The following LRBA variants were observed in gnomAD, a reference collection of about 807,000 sequenced individuals.
The protein encoded by LRBA is lipopolysaccharide-responsive and beige-like anchor protein.
A neutral mutation model predicts 330.0 loss-of-function variants in LRBA; 176 were observed. The ratio of observed to expected loss-of-function variants is 0.53; its 90% CI spans 0.47 to 0.60. The LOEUF (loss-of-function observed/expected upper bound fraction) is 0.60, where lower values mean the gene tolerates loss of function less well. LRBA is among the 20% of genes least tolerant of loss of function. LRBA has a pLI of 0.00. For synonymous variants in LRBA, 1,230 were observed against 1,193.0 expected (o/e 1.03, Z -0.64); for missense variants, 3,259 against 3,444.8 (o/e 0.95, Z 1.35).
intron 38 of LRBA, among the ~76,000 whole-genome samples, chr4:150,593,040 T>C (rs926386112): frequency 6.6e-6 from 1 of 152,174 alleles, no homozygotes; most frequent in African/African-American, 2.4e-5. Flanking sequence ...TATTTATAGT[T>C]CCTTACTCTA....
intron 40 of LRBA, among the ~76,000 whole-genome samples, chr4:150,562,712 T>C (rs75712598): frequency 6.6e-6 from 1 of 152,202 alleles, no homozygotes; most frequent in East Asian, 1.9e-4. Context: ...AATATTTAAA[T>C]AGTAGAAACA....
intron 40 of LRBA, among the ~76,000 whole-genome samples, chr4:150,514,717 A>G (rs1474793574): frequency 1.3e-5 from 2 of 152,206 alleles, no homozygotes; most frequent in East Asian, 3.8e-4. Context: ...TGTTACATGA[A>G]CCAGGACTCA....
At chr4:150,343,268 A>T (rs893737904) in intron 48 of LRBA, among the ~76,000 whole-genome samples, 2 of 152,208 alleles carry the variant, frequency 1.3e-5, no homozygotes, top group Non-Finnish European at 2.9e-5. Flanking sequence ...GAAGACAGAG[A>T]GGCAGTCATT....
intron 29 of LRBA, among the ~76,000 whole-genome samples, chr4:150,829,940 C>G (rs1026008275): frequency 6.6e-6 from 1 of 152,114 alleles, no homozygotes; most frequent in Non-Finnish European, 1.5e-5. Context: ...TCATTTTTGA[C>G]TACCTTTTTC....
Position 150,865,067 on chromosome 4 carries a change from C to G in LRBA, c.2766+2604G>C, listed in dbSNP as rs116285825. ...TAGATCTGTTAGAAACGTGAAAAATCTGCTTTATACTGGGCACTTCCCTAA... is the reference window on the plus strand; with the variant it reads ...TAGATCTGTTAGAAACGTGAAAAATGTGCTTTATACTGGGCACTTCCCTAA... On this transcript the variant is annotated intron_variant, in intron 22 of 56. Transcript: ENST00000651943. 9.2e-3 allele frequency among the ~76,000 whole-genome samples: 1,396 copies of G among 152,286 alleles called. 7 individuals are homozygous for G. Among genetic ancestry groups the G allele is most frequent in the Non-Finnish European group, 0.015 (1,049 of 68,014 alleles).
chr4:150,846,763 T>TA (rs1560906483), intron 26 of LRBA, among the ~76,000 whole-genome samples: 1 of 152,208 alleles, frequency 6.6e-6, no homozygotes, highest in Non-Finnish European at 1.5e-5. Flanking sequence ...TTTGGACTGT[T>TA]ACTTTGTTTA....
chr4:150,690,148 T>C (rs1400998119), intron 36 of LRBA, among the ~76,000 whole-genome samples: 1 of 152,072 alleles, frequency 6.6e-6, no homozygotes, highest in Non-Finnish European at 1.5e-5. Context: ...TTCAACACAA[T>C]CTTAATAAAA....
intron 47 of LRBA, among the ~76,000 whole-genome samples, chr4:150,405,066 A>C (rs1260382211): frequency 6.6e-6 from 1 of 152,186 alleles, no homozygotes; most frequent in Non-Finnish European, 1.5e-5. Flanking sequence ...TCAAGCTTTT[A>C]ACCCAGCCAT....
chr4:150,297,877 G>T (rs1421697008), intron 53 of LRBA, among the ~76,000 whole-genome samples: 4 of 152,044 alleles, frequency 2.6e-5, no homozygotes, highest in South Asian at 2.1e-4. Flanking sequence ...GTTAGGGTAG[G>T]GTAAAAGGAG....
rs547139144 is a variant in LRBA, at chr4:150,264,823, T to C, written c.*899A>G. On this transcript the variant is annotated 3_prime_UTR_variant, in exon 57 of 57. Transcript: ENST00000651943. ...CTAATCAAAAGGAAGGTGGAGATGA[T>C]AGTTTAATAACAAATAGTAAAACAG... The C allele has an allele frequency of 1.4e-4, 21 of 152,770 alleles. No individual in the cohort carries two copies. The highest frequency in any genetic ancestry group is 4.8e-4 in the African/African-American group (20 of 41,580). 9.5% of individuals were successfully genotyped at this position (152,770 alleles called of 1,614,324 possible). A position where few individuals can be genotyped will look rare whatever the true frequency, so the allele number is the denominator to read the frequency against.
intron 40 of LRBA, among the ~76,000 whole-genome samples, chr4:150,499,227 GA>G (rs1336350194): frequency 3.3e-5 from 5 of 152,076 alleles, no homozygotes; most frequent in East Asian, 3.9e-4. Context: ...GTACGGTATA[GA>G]AAAAAATCAT....
At chr4:150,853,032 A>G in intron 22 of LRBA, 89 bp from the exon 23 acceptor site, 1 of 622,876 alleles carries the variant, frequency 1.6e-6, no homozygotes, top group South Asian at 3.7e-5. Context: ...TCAAATACAT[A>G]GTTTATATAA....
intron 37 of LRBA, among the ~76,000 whole-genome samples, chr4:150,644,521 G>T (rs1778957289): frequency 6.6e-6 from 1 of 151,958 alleles, no homozygotes; most frequent in African/African-American, 2.4e-5. Context: ...TAGCCTTTCA[G>T]TGAAAACAGT....
At chr4:150,994,975 A>G (rs1312465361) in intron 2 of LRBA, among the ~76,000 whole-genome samples, 1 of 152,190 alleles carries the variant, frequency 6.6e-6, no homozygotes, top group East Asian at 1.9e-4. Context: ...TGAGAAGGAC[A>G]TAAAGGTTGG....
At chr4:151,004,411 T>C (rs1318151227) in intron 2 of LRBA, among the ~76,000 whole-genome samples, 1 of 152,178 alleles carries the variant, frequency 6.6e-6, no homozygotes, top group African/African-American at 2.4e-5. Flanking sequence ...GCAGGTAGCA[T>C]ATACATACAG....
At chr4:150,618,842 GTGTA>G (rs1274206206) in intron 37 of LRBA, among the ~76,000 whole-genome samples, 150 of 59,402 alleles carry the variant, frequency 2.5e-3, no homozygotes, top group African/African-American at 5.2e-3. Context: ...ATGTATATGT[GTGTA>G]TGTATATATA....
intron 26 of LRBA, among the ~76,000 whole-genome samples, chr4:150,846,673 A>C (rs1051274953): frequency 6.6e-6 from 1 of 152,174 alleles, no homozygotes; most frequent in Non-Finnish European, 1.5e-5. Flanking sequence ...TTCACCACTA[A>C]GCAATCCATG....
chr4:150,898,418 T>C (rs953642313), intron 14 of LRBA, among the ~76,000 whole-genome samples: 5 of 152,130 alleles, frequency 3.3e-5, no homozygotes. Flanking sequence ...AATTTTCATG[T>C]CTCAAACATA....
chr4:150,361,395 C>G (rs116035490), intron 47 of LRBA, among the ~76,000 whole-genome samples: 41 of 152,286 alleles, frequency 2.7e-4, no homozygotes, highest in African/African-American at 9.6e-4. Context: ...CCTTTCACTT[C>G]TTAACTAGTT....
Sources: gnomAD v4.1 joint callset for allele counts (sites outside exome capture counted in the v4.1 genomes callset) on GRCh38, gnomAD v4.1.1 for gene constraint, MANE v1.5 for transcripts, NCBI Gene and HGNC (gene_info 2026-07-23, HGNC 2026-07-21) for gene names.